Variants in AASDH observed in about 807,000 individuals in gnomAD.
AASDH encodes the protein beta-alanine-activating enzyme.
AASDH carries 81 observed loss-of-function variants against 102.3 expected under a neutral mutation model. That is an observed-to-expected ratio of 0.79 (90% CI 0.66 to 0.95). AASDH has a LOEUF of 0.95. Among genes scored for constraint, AASDH ranks in the 40% least tolerant of loss-of-function variants. The pLI is 0.00. For missense variants in AASDH, 1,203 were observed against 1,266.2 expected, an observed-to-expected ratio of 0.95 and a Z score of 0.76; for synonymous variants, 398 against 454.0, an observed-to-expected ratio of 0.88 and a Z score of 1.57.
intron 5 of AASDH, among the ~76,000 whole-genome samples, chr4:56,369,990 T>C (rs893940159): frequency 1.3e-5 from 2 of 150,752 alleles, no homozygotes; most frequent in Non-Finnish European, 3.0e-5. Flanking sequence ...ATAATTAAGA[T>C]GCACATATGC....
At chr4:56,359,970 A>G (rs1355946237) in intron 5 of AASDH, among the ~76,000 whole-genome samples, 2 of 152,234 alleles carry the variant, frequency 1.3e-5, no homozygotes, top group African/African-American at 4.8e-5. Context: ...CAAATGTGGA[A>G]AGTCTGTCAA....
In AASDH at chr4:56,374,367, C is replaced by CAAAAAAA. The variant is rs752531940; in HGVS notation, c.669-2725_669-2724insTTTTTTT. Among the ~76,000 whole-genome samples, 241 of 110,194 alleles carry CAAAAAAA rather than the reference C, an allele frequency of 2.2e-3. 15 individuals carry two copies. Among genetic ancestry groups the CAAAAAAA allele is most frequent in the African/African-American group, 7.6e-3 (227 of 30,024 alleles). 72.3% of individuals were successfully genotyped at this position (110,194 alleles called of 152,430 possible). A position where few individuals can be genotyped will look rare whatever the true frequency, so the allele number is the denominator to read the frequency against. ...TGGGTGACAGAGTGAGACTCTGTCT[C>CAAAAAAA]AGAAAAAAAAAAAAAAAAAAAAAGG... On this transcript the variant is annotated intron_variant, in intron 4 of 14. Coordinates refer to ENST00000205214, the MANE Select transcript of AASDH (RefSeq NM_181806.4).
At chr4:56,375,768 C>T (rs1752262546) in intron 4 of AASDH, among the ~76,000 whole-genome samples, 1 of 152,060 alleles carries the variant, frequency 6.6e-6, no homozygotes, top group Non-Finnish European at 1.5e-5. Flanking sequence ...CTGCTTCATA[C>T]AAAAGTTAAA....
At chr4:56,356,471 G>A (rs1321775901) in intron 5 of AASDH, 3 of 1,542,176 alleles carry the variant, frequency 1.9e-6, no homozygotes, top group Non-Finnish European at 2.7e-6. Context: ...AGAAGCAGAG[G>A]CTGTTGACCT....
chr4:56,386,171 G>A (rs1753530645), intron 1 of AASDH, among the ~76,000 whole-genome samples: 1 of 152,024 alleles, frequency 6.6e-6, no homozygotes, highest in Non-Finnish European at 1.5e-5. Flanking sequence ...ATAAATATTA[G>A]CTCTTTTTAA....
At chr4:56,379,315 C>G (rs1427885984) in intron 3 of AASDH, among the ~76,000 whole-genome samples, 5 of 152,046 alleles carry the variant, frequency 3.3e-5, no homozygotes, top group Non-Finnish European at 7.4e-5. Flanking sequence ...TTATTTTTAG[C>G]AGAGACGATG....
chr4:56,367,913 C>T (rs1751215547), intron 5 of AASDH, among the ~76,000 whole-genome samples: 2 of 151,942 alleles, frequency 1.3e-5, no homozygotes, highest in Non-Finnish European at 2.9e-5. Flanking sequence ...AAAGAAACTA[C>T]CATCAGAGTG....
chr4:56,345,011 G>A lies in AASDH; in HGVS notation c.2652+116C>T, dbSNP rs1378686440. ...GGGTGGAATACACTGTCACAATCTT[G>A]GCTCACTGCAACCTCCACCTCCCAG... On this transcript the variant is annotated intron_variant, in intron 12 of 14. Transcript: ENST00000205214. The A allele has an allele frequency of 4.3e-6, 4 of 928,798 alleles. No homozygotes were observed. The African/African-American group carries it at 7.1e-5, about 16-fold the overall frequency. 57.5% of individuals were successfully genotyped at this position (928,798 alleles called of 1,614,324 possible). A position where few individuals can be genotyped will look rare whatever the true frequency, so the allele number is the denominator to read the frequency against.
At chr4:56,344,359 CAA>C (rs1420966032) in intron 12 of AASDH, among the ~76,000 whole-genome samples, 1 of 152,094 alleles carries the variant, frequency 6.6e-6, no homozygotes, top group Non-Finnish European at 1.5e-5. Flanking sequence ...TTGTTTATCT[CAA>C]GAGTTTTTAA....
intron 4 of AASDH, among the ~76,000 whole-genome samples, chr4:56,372,617 T>A (rs1258039590): frequency 6.6e-6 from 1 of 152,222 alleles, no homozygotes. Flanking sequence ...TCAAATATGG[T>A]ATAAACATTT....
intron 14 of AASDH, among the ~76,000 whole-genome samples, chr4:56,340,600 C>A (rs1169723628): frequency 6.6e-6 from 1 of 152,194 alleles, no homozygotes; most frequent in East Asian, 1.9e-4. Context: ...AAGGGAATCA[C>A]TTCAGGACAC....
chr4:56,383,773 G>A (rs1753242183), intron 2 of AASDH, among the ~76,000 whole-genome samples: 1 of 152,114 alleles, frequency 6.6e-6, no homozygotes, highest in Non-Finnish European at 1.5e-5. Context: ...ACAACAAAGT[G>A]TTATAAATTG....
intron 5 of AASDH, among the ~76,000 whole-genome samples, chr4:56,364,646 T>C (rs1428671192): frequency 6.6e-6 from 1 of 152,148 alleles, no homozygotes; most frequent in Non-Finnish European, 1.5e-5. Context: ...AGAAATAAAA[T>C]ACTTTACAGA....
At position 56,378,385 on chromosome 4, in the gene AASDH, A is replaced by G; in HGVS notation, c.431T>C (p.Leu144Pro). 1 of 1,613,880 alleles carries G rather than the reference A, an allele frequency of 6.2e-7. No homozygotes were observed. Among genetic ancestry groups the G allele is most frequent in the Non-Finnish European group, 8.5e-7 (1 of 1,179,830 alleles). Residue 144 changes from leucine to proline, a missense_variant, in exon 4 of 15, where the codon CTT (leucine) becomes CCT (proline). Coordinates refer to ENST00000205214, the MANE Select transcript of AASDH (RefSeq NM_181806.4). Reference sequence around the variant, plus strand: ...GTTCACCTCAGTATTTTTCCAGTGAAGTCTGAAGAGCACTAGGTCATTATG... The same window carrying G: ...GTTCACCTCAGTATTTTTCCAGTGAGGTCTGAAGAGCACTAGGTCATTATG... Reference protein sequence around the residue: ...VEHNDLVLFRLHWKNTEVNLM... With the variant: ...VEHNDLVLFRPHWKNTEVNLM...
At chr4:56,341,148 C>G (rs1454142001) in intron 14 of AASDH, among the ~76,000 whole-genome samples, 1 of 152,124 alleles carries the variant, frequency 6.6e-6, no homozygotes, top group East Asian at 1.9e-4. Flanking sequence ...AACAGTCCTA[C>G]TACTATTTAC....
In AASDH at chr4:56,349,591, T is replaced by A. The variant is rs769819843; in HGVS notation, c.2160A>T (p.Lys720Asn). The A allele has an allele frequency of 1.9e-6, 3 of 1,614,088 alleles. No homozygotes were observed. The highest frequency in any genetic ancestry group is 4.5e-5 in the East Asian group (2 of 44,902). Residue 720 changes from lysine to asparagine, a missense_variant, in exon 11 of 15, where the codon AAA (lysine) becomes AAT (asparagine). Physicochemically the swap from Lys to Asn is moderately conservative, Grantham distance 94. Transcript: ENST00000205214. The part of the protein sequence containing the change: ...SVSQTNIQNL[K>N]GLNSPVLIGK... ...CAATAAGAACTGGAGAATTTAAGCCTTTCAAATTTTGAATGTTGGTCTGTG... is the reference window on the plus strand; with the variant it reads ...CAATAAGAACTGGAGAATTTAAGCCATTCAAATTTTGAATGTTGGTCTGTG...
At position 56,370,502 on chromosome 4, in the gene AASDH, C is replaced by T. The variant is rs191003090; in HGVS notation, c.861+949G>A. On this transcript the variant is annotated intron_variant, in intron 5 of 14. Transcript: ENST00000205214. ...GCCTTTGTGAAGTGATTAGGTCATG[C>T]AGGCAGAGACCTCATGAATGAGATT... Among the ~76,000 whole-genome samples the T allele has an allele frequency of 7.2e-5, 11 of 152,300 alleles. No homozygotes were observed. In the East Asian group the frequency reaches 2.1e-3, roughly 29 times the overall value.
intron 6 of AASDH, 104 bp downstream of exon 6, chr4:56,355,078 G>T: frequency 7.5e-7 from 1 of 1,337,528 alleles, no homozygotes; most frequent in Non-Finnish European, 1.0e-6. Flanking sequence ...ATACAATCGT[G>T]TTTCTAAAAT....
At chr4:56,371,725 G>T in intron 4 of AASDH, 82 bp from the exon 5 acceptor site, 1 of 1,273,538 alleles carries the variant, frequency 7.9e-7, no homozygotes, top group East Asian at 2.8e-5. Flanking sequence ...ATGTGTTTAT[G>T]ATGATCAAGT....
Sources: allele counts gnomAD v4.1 joint callset (sites outside exome capture counted in the v4.1 genomes callset), GRCh38; gene constraint gnomAD v4.1.1; transcripts MANE v1.5; gene names NCBI Gene and HGNC (gene_info 2026-07-23, HGNC 2026-07-21).